The following TRIM16 variants were observed in gnomAD, a reference collection of about 807,000 sequenced individuals.
TRIM16 encodes tripartite motif containing 16, also known as tripartite motif-containing protein 16.
In TRIM16, 33 loss-of-function variants were observed where a neutral mutation model predicts 50.4. The observed-to-expected ratio is 0.65, with a 90% CI of 0.50 to 0.88. The LOEUF is 0.88. Ranked by LOEUF, TRIM16 falls within the 40% of genes least tolerant of loss-of-function variation. The pLI, the probability that TRIM16 is intolerant of heterozygous loss-of-function variation, is 0.00. For synonymous variants in TRIM16, 229 were observed against 270.7 expected, an observed-to-expected ratio of 0.85 and a Z score of 1.51; for missense variants, 581 against 686.8, an observed-to-expected ratio of 0.85 and a Z score of 1.72.
intron 8 of TRIM16, among the ~76,000 whole-genome samples, chr17:15,638,538 C>T (rs889408440): frequency 3.4e-5 from 5 of 149,250 alleles, no homozygotes; most frequent in African/African-American, 1.2e-4. Flanking sequence ...CCACTGCACT[C>T]CAGCCCTATC....
intron 6 of TRIM16, among the ~76,000 whole-genome samples, chr17:15,662,545 GA>G (rs1428688474): frequency 4.6e-5 from 7 of 152,178 alleles, no homozygotes; most frequent in Non-Finnish European, 1.0e-4. Flanking sequence ...TGGACCCGCA[GA>G]ACATGCCAGC....
At chr17:15,635,352 A>G (rs1986681447) in intron 9 of TRIM16, among the ~76,000 whole-genome samples, 1 of 148,948 alleles carries the variant, frequency 6.7e-6, no homozygotes, top group African/African-American at 2.5e-5. Flanking sequence ...GAAAGGTTAC[A>G]TGTTCTTTAG....
At chr17:15,646,796 G>A (rs1278820505) in intron 7 of TRIM16, among the ~76,000 whole-genome samples, 2 of 152,134 alleles carry the variant, frequency 1.3e-5, no homozygotes, top group South Asian at 2.1e-4. Context: ...CCACCTGGAC[G>A]CTGACTGCAT....
In TRIM16 at chr17:15,642,796, C is replaced by T; in HGVS notation, c.540G>A (p.Gln180=). 1.4e-6 allele frequency: 1 copy of T among 714,286 alleles called. No individual in the cohort carries two copies. Among genetic ancestry groups the T allele is most frequent in the South Asian group, 1.8e-5 (1 of 56,500 alleles). The allele number at this position is 714,286 out of a possible 1,614,324, so 44.2% of individuals were successfully genotyped here. A position where few individuals can be genotyped will look rare whatever the true frequency, so the allele number is the denominator to read the frequency against. Residue 180 remains glutamine (Q), a synonymous_variant, in exon 8 of 12, where the codon CAG becomes CAA. Transcript: ENST00000649191. ...RDKEAELQCT[Q]LDLERKLKLN... ...ACTTGAGTTTCCGCTCCAAGTCTAA[C>T]TGGGTGCACTGGAGTTCAGCCTAAA...
intron 7 of TRIM16, among the ~76,000 whole-genome samples, chr17:15,650,531 G>A (rs1987634902): frequency 6.6e-6 from 1 of 152,078 alleles, no homozygotes; most frequent in Non-Finnish European, 1.5e-5. Context: ...CATTATACCT[G>A]GACCTAAGTT....
In TRIM16 at chr17:15,651,812, C is replaced by T. The variant is rs1987724511; in HGVS notation, c.-203G>A. 4.8e-6 allele frequency: 7 copies of T among 1,451,892 alleles called. No homozygotes were observed. Among genetic ancestry groups the T allele is most frequent in the Non-Finnish European group, 6.3e-6 (7 of 1,107,234 alleles). 89.9% of individuals were successfully genotyped at this position (1,451,892 alleles called of 1,614,324 possible). On this transcript the variant is annotated 5_prime_UTR_variant, in exon 7 of 12. Coordinates refer to ENST00000649191, the MANE Select transcript of TRIM16 (RefSeq NM_001348119.1). Reference sequence around the variant, plus strand: ...GCCAGATGCGATGACGACAAGGCAGCTAGAGTACTCAGGCTCAGGACAGCC... The same window carrying T: ...GCCAGATGCGATGACGACAAGGCAGTTAGAGTACTCAGGCTCAGGACAGCC...
chr17:15,647,086 C>T (rs1987424465), intron 7 of TRIM16, among the ~76,000 whole-genome samples: 1 of 151,846 alleles, frequency 6.6e-6, no homozygotes, highest in African/African-American at 2.4e-5. Context: ...CCTGCCTCAG[C>T]CTCCTGAGTA....
Position 15,651,590 on chromosome 17 carries a change from A to T in TRIM16, c.20T>A (p.Met7Lys). The T allele has an allele frequency of 6.2e-7, 1 of 1,613,896 alleles. No homozygotes were observed. Among genetic ancestry groups the T allele is most frequent in the South Asian group, 1.1e-5 (1 of 91,082 alleles). Residue 7 changes from methionine (M) to lysine (K), a missense_variant, in exon 7 of 12, where the codon ATG (methionine) becomes AAG (lysine). Coordinates refer to ENST00000649191, the MANE Select transcript of TRIM16 (RefSeq NM_001348119.1). ...GGCCCTGGGCAGTGGCCCTGGAGCC[A>T]TTAGATCCAACTCAGCCATCTGGGA... Reference protein sequence around the residue: MAELDLMAPGPLPRATA... With the variant: MAELDLKAPGPLPRATA...
At chr17:15,640,575 C>T (rs1016348262) in intron 8 of TRIM16, among the ~76,000 whole-genome samples, 1 of 148,734 alleles carries the variant, frequency 6.7e-6, no homozygotes, top group Admixed American at 6.6e-5. Context: ...CTTGACATTG[C>T]AAACACTGTA....
rs1987726755 is a variant in TRIM16, at chr17:15,651,861, C to T, written c.-252G>A. The T allele has an allele frequency of 1.4e-6, 2 of 1,415,364 alleles. No homozygotes were observed. Among genetic ancestry groups the T allele is most frequent in the South Asian group, 3.0e-5 (2 of 66,868 alleles). The allele number at this position is 1,415,364 out of a possible 1,614,324, so 87.7% of individuals were successfully genotyped here. On this transcript the variant is annotated 5_prime_UTR_variant, in exon 7 of 12. Transcript: ENST00000649191. ...CCGGCTCAGGCTCAGGCTGCCTCCC[C>T]AGGTCCAGCCCTGAAACTTCTATTC...
intron 6 of TRIM16, among the ~76,000 whole-genome samples, chr17:15,655,583 T>C (rs1987936167): frequency 6.6e-6 from 1 of 152,052 alleles, no homozygotes; most frequent in Non-Finnish European, 1.5e-5. Context: ...CTCTCTCTTT[T>C]TTTTTTTTTG....
chr17:15,649,336 G>A (rs954075949), intron 7 of TRIM16, among the ~76,000 whole-genome samples: 6 of 152,078 alleles, frequency 3.9e-5, no homozygotes, highest in African/African-American at 1.4e-4. Context: ...CACCAGGCTG[G>A]AGTGAAGTGG....
intron 4 of TRIM16, among the ~76,000 whole-genome samples, chr17:15,679,880 T>C (rs1018614938): frequency 4.1e-5 from 6 of 147,424 alleles, no homozygotes; most frequent in Non-Finnish European, 7.4e-5. Context: ...GAGCTTGCAG[T>C]GAGCTGAGAT....
rs201801259 is a variant in TRIM16, at chr17:15,651,146, T to A, written c.464A>T (p.Gln155Leu). Residue 155 changes from glutamine to leucine, a missense_variant, in exon 7 of 12, where the codon CAG becomes CTG. Gln to Leu is a moderately radical substitution (Grantham distance 113). Transcript: ENST00000649191. ...DQQCICQDCC[Q>L]EHSGHTIVSL... ...GACTATGGTGTGGCCACTGTGCTCC[T>A]GGCAACAGTCCTGGCAGATGCACTG... 1 of 1,614,012 alleles carries A rather than the reference T, an allele frequency of 6.2e-7. No individual in the cohort carries two copies. The highest frequency in any genetic ancestry group is 1.3e-5 in the African/African-American group (1 of 74,926).
intron 9 of TRIM16, among the ~76,000 whole-genome samples, chr17:15,635,658 G>A (rs1986698429): frequency 8.3e-6 from 1 of 120,378 alleles, no homozygotes; most frequent in Admixed American, 8.4e-5. Context: ...CACCTGCCTG[G>A]CCGTGCCAGT....
At chr17:15,680,039 C>T (rs889405875) in intron 4 of TRIM16, among the ~76,000 whole-genome samples, 1 of 151,928 alleles carries the variant, frequency 6.6e-6, no homozygotes, top group African/African-American at 2.4e-5. Context: ...GGAACAACAC[C>T]TCTGTGATTT....
chr17:15,671,285 G>C (rs1013197999), intron 6 of TRIM16, among the ~76,000 whole-genome samples: 2 of 132,644 alleles, frequency 1.5e-5, no homozygotes, highest in African/African-American at 6.0e-5. Flanking sequence ...AATACACCTA[G>C]TTTTGTGTAT....
chr17:15,645,308 T>C (rs1242955127), intron 7 of TRIM16, among the ~76,000 whole-genome samples: 1 of 152,144 alleles, frequency 6.6e-6, no homozygotes, highest in African/African-American at 2.4e-5. Context: ...AGCATCGTCA[T>C]CATCATCATT....
At position 15,632,053 on chromosome 17, in the gene TRIM16, G is replaced by A. The variant is rs539518604; in HGVS notation, c.1016-339C>T. 12 of 360,096 alleles carry A rather than the reference G, an allele frequency of 3.3e-5. No individual in the cohort carries two copies. In the East Asian group the frequency reaches 4.9e-4, roughly 15 times the overall value. The allele number at this position is 360,096 out of a possible 1,614,324, so 22.3% of individuals were successfully genotyped here. On this transcript the variant is annotated intron_variant, in intron 10 of 11. Transcript: ENST00000649191. ...TTGTAAAAGAAAATCATCGAGATGA[G>A]AGTCCATTAGTAACATACCCTGTCT...
Sources: allele counts gnomAD v4.1 joint callset (sites outside exome capture counted in the v4.1 genomes callset), GRCh38; gene constraint gnomAD v4.1.1; transcripts MANE v1.5; gene names NCBI Gene and HGNC (gene_info 2026-07-23, HGNC 2026-07-21).